The following SPTBN5 variants were observed in gnomAD, a reference collection of about 807,000 sequenced individuals.
SPTBN5 encodes the protein spectrin beta chain, non-erythrocytic 5.
SPTBN5 carries 513 observed loss-of-function variants against 477.6 expected under a neutral mutation model. That is an observed-to-expected ratio of 1.07 (90% CI 1.00 to 1.16). SPTBN5 has a LOEUF of 1.16. SPTBN5 is among the 50% of genes most tolerant of loss of function. The probability of loss-of-function intolerance (pLI) is 0.00; values close to 1 mark genes in which losing one functional copy is unlikely to be tolerated. For missense variants in SPTBN5, 5,062 were observed against 4,731.8 expected (o/e 1.07, Z -2.05); for synonymous variants, 2,169 against 2,011.7 (o/e 1.08, Z -2.09).
chr15:41,853,887 C>CT, intron 57 of SPTBN5, 100 bp from the exon 58 acceptor site: 1 of 1,429,540 alleles, frequency 7.0e-7, no homozygotes, highest in Non-Finnish European at 9.3e-7. Flanking sequence ...CACCTCCACT[C>CT]TGCTGCACAA....
rs562371137 is a variant in SPTBN5, at chr15:41,889,096, C to T, written c.501+993G>A. Among the ~76,000 whole-genome samples, 26 of 152,336 alleles carry T rather than the reference C, an allele frequency of 1.7e-4. No homozygotes were observed. The South Asian group carries it at 5.2e-3, about 30-fold the overall frequency. ...AGGGAGGATGCCCACCTGCTGCTCC[C>T]AAGGGCCTGGGCTGCAGGGGACACC... On this transcript the variant is annotated intron_variant, in intron 4 of 67. Transcript: ENST00000320955.
In SPTBN5 at chr15:41,848,799, G is replaced by A. The variant is rs188873854; in HGVS notation, c.11013-171C>T. On this transcript the variant is annotated intron_variant, in intron 67 of 67. Transcript: ENST00000320955. The stretch of plus-strand genomic sequence containing the variant: ...GCGCTGCAGCAGCGACCACAGTGAC[G>A]CGTGAGTGGGTGGGAGTTGCCTCGA... 7.9e-5 allele frequency among the ~76,000 whole-genome samples: 12 copies of A among 152,310 alleles called. 1 individual carries two copies. Among genetic ancestry groups the A allele is most frequent in the Admixed American group, 2.0e-4 (3 of 15,300 alleles).
intron 21 of SPTBN5, 75 bp from the exon 22 acceptor site, chr15:41,875,697 G>A: frequency 6.9e-7 from 1 of 1,451,854 alleles, no homozygotes. Flanking sequence ...GGCTGGACCT[G>A]GGTGGCAGTG....
chr15:41,878,500 C>A lies in SPTBN5; in HGVS notation c.3312G>T (p.Arg1104=), dbSNP rs1004824268. The stretch of plus-strand genomic sequence containing the variant: ...GCTGGCTCTCTTGCAGGAAGCTCTG[C>A]CGGGCCTGAGTCTCAGCCTGGCGCC... ...RARRQAETQA[R]QSFLQESQQL... Residue 1104 remains arginine (R), a synonymous_variant, in exon 17 of 68, where the codon CGG becomes CGT. Transcript: ENST00000320955. 2 of 1,613,316 alleles carry A rather than the reference C, an allele frequency of 1.2e-6. No homozygotes were observed. Among genetic ancestry groups the A allele is most frequent in the East Asian group, 4.5e-5 (2 of 44,870 alleles).
intron 55 of SPTBN5, 77 bp from the exon 56 acceptor site, chr15:41,855,053 ACT>A (rs2065892635): frequency 3.4e-6 from 5 of 1,468,042 alleles, no homozygotes; most frequent in Admixed American, 2.3e-5. Context: ...AGCTCAGCAG[ACT>A]CTGATGGCTC....
At chr15:41,856,729 A>G in intron 52 of SPTBN5, 124 bp downstream of exon 52, 1 of 1,334,732 alleles carries the variant, frequency 7.5e-7, no homozygotes, top group Non-Finnish European at 1.0e-6. Flanking sequence ...CTCCCAAAGA[A>G]TCCAGGGCAT....
chr15:41,876,667 T>TG lies in SPTBN5; in HGVS notation c.3852-21dup. On this transcript the variant is annotated intron_variant, in intron 19 of 67. Transcript: ENST00000320955. ...CTGACCCTGGAGGGCGGGGGGGGGT[T>TG]GGAGGAGGGCATGGGAGAGGACTCC... is the stretch of plus-strand genomic sequence containing the variant. 7.2e-7 allele frequency: 1 copy of TG among 1,393,260 alleles called. No individual in the cohort carries two copies. The highest frequency in any genetic ancestry group is 1.0e-6 in the Non-Finnish European group (1 of 997,030). 86.3% of individuals were successfully genotyped at this position (1,393,260 alleles called of 1,614,324 possible). A position where few individuals can be genotyped will look rare whatever the true frequency, so the allele number is the denominator to read the frequency against.
At position 41,889,195 on chromosome 15, in the gene SPTBN5, G is replaced by A. The variant is rs79014624; in HGVS notation, c.501+894C>T. ...CTTGAGGTCAGTTAGAAATTCATCC[G>A]TCCCTTCAGCCTTCAAATAGATGCT... On this transcript the variant is annotated intron_variant, in intron 4 of 67. Transcript: ENST00000320955. Among the ~76,000 whole-genome samples the A allele has an allele frequency of 1.1e-3, 163 of 152,256 alleles. 1 individual carries two copies. In the East Asian group the frequency reaches 0.027, roughly 25 times the overall value.
At position 41,850,924 on chromosome 15, in the gene SPTBN5, T is replaced by C; in HGVS notation, c.10851A>G (p.Ala3617=). The part of the protein sequence containing the change: ...HTFSLRLTSG[A]EILFAAPSEE... ...CGGACGGTGCTGCAAACAGGATCTC[T>C]GCCCCACTGGTCAGCCTGGCACCCA... is the stretch of plus-strand genomic sequence containing the variant. The change falls in exon 66 of 68, where the codon GCA becomes GCG. Residue 3617 remains alanine, a synonymous_variant. Coordinates refer to ENST00000320955, the MANE Select transcript of SPTBN5 (RefSeq NM_016642.4). 1.3e-6 allele frequency: 2 copies of C among 1,595,794 alleles called. No homozygotes were observed. The highest frequency in any genetic ancestry group is 1.1e-5 in the South Asian group (1 of 88,620).
chr15:41,872,228 G>A, intron 27 of SPTBN5, 74 bp downstream of exon 27: 1 of 1,525,104 alleles, frequency 6.6e-7, no homozygotes, highest in Non-Finnish European at 8.9e-7. Context: ...TTGACTTTGG[G>A]CCATGGCATG....
intron 9 of SPTBN5, 67 bp from the exon 10 acceptor site, chr15:41,882,805 CG>C: frequency 6.5e-7 from 1 of 1,535,064 alleles, no homozygotes. Flanking sequence ...GGTTCCCCTC[CG>C]GGTTTAGACA....
chr15:41,882,565 C>T lies in SPTBN5; in HGVS notation c.2046+20G>A, dbSNP rs770923113. ...GGGCAAGGCGCTGGCGACCGGCGGGCGCGCTCGGGGAGCTGACACCTTGTG... is the reference window on the plus strand; with the variant it reads ...GGGCAAGGCGCTGGCGACCGGCGGGTGCGCTCGGGGAGCTGACACCTTGTG... On this transcript the variant is annotated intron_variant, in intron 10 of 67. Transcript: ENST00000320955. 1.9e-6 allele frequency: 3 copies of T among 1,585,102 alleles called. No individual in the cohort carries two copies. Among genetic ancestry groups the T allele is most frequent in the African/African-American group, 2.7e-5 (2 of 74,478 alleles).
rs2065946418 is a variant in SPTBN5, at chr15:41,857,049, T to C, written c.8622-10A>G. The C allele has an allele frequency of 6.3e-7, 1 of 1,597,260 alleles. No homozygotes were observed. Among genetic ancestry groups the C allele is most frequent in the Non-Finnish European group, 8.5e-7 (1 of 1,172,648 alleles). ...CCTCAGGCTCTTGAACCTGCAGCGGTGGAGGGTGGGACCAAGGGAGGCAGG... is the reference window on the plus strand; with the variant it reads ...CCTCAGGCTCTTGAACCTGCAGCGGCGGAGGGTGGGACCAAGGGAGGCAGG... On this transcript the variant is annotated splice_polypyrimidine_tract_variant and intron_variant, in intron 51 of 67. Coordinates refer to ENST00000320955, the MANE Select transcript of SPTBN5 (RefSeq NM_016642.4).
chr15:41,857,646 T>A lies in SPTBN5; in HGVS notation c.8291A>T (p.Glu2764Val), dbSNP rs2065966158. Reference protein sequence around the residue: ...ASEAIQERLEELGALWGELQD... With the variant: ...ASEAIQERLEVLGALWGELQD... ...CAGCTCACCCCAGAGTGCTCCCAGC[T>A]CCTCCAGTCGCTCCTGGATGGCCTC... The change falls in exon 50 of 68, where the codon GAG (glutamate) becomes GTG (valine). Residue 2764 changes from glutamate (E) to valine (V), a missense_variant. By Grantham distance (121) the Glu-to-Val change is moderately radical (BLOSUM62 -2). Transcript: ENST00000320955. 1.3e-6 allele frequency: 2 copies of A among 1,596,624 alleles called. No individual in the cohort carries two copies. Among genetic ancestry groups the A allele is most frequent in the African/African-American group, 1.3e-5 (1 of 74,596 alleles).
intron 3 of SPTBN5, among the ~76,000 whole-genome samples, chr15:41,891,659 T>C (rs897765212): frequency 3.3e-5 from 5 of 152,212 alleles, no homozygotes; most frequent in African/African-American, 1.2e-4. Context: ...CTGGGTTCAA[T>C]GAATCTGTCT....
In SPTBN5 at chr15:41,861,793, C is replaced by A. The variant is rs1245050655; in HGVS notation, c.7679G>T (p.Ser2560Ile). Residue 2560 changes from serine (S) to isoleucine (I), a missense_variant, in exon 45 of 68, where the codon AGC becomes ATC. Transcript: ENST00000320955. ...ATGCTCCTGCCAGGCCCCTTCCAGG[C>A]TGCTCAGCTCCTGTTCTAAGCCAGC... ...VLAGLEQELS[S>I]LEGAWQEHQL... is the part of the protein sequence containing the mutation. 5.1e-6 allele frequency: 8 copies of A among 1,565,172 alleles called. No individual in the cohort carries two copies. Among genetic ancestry groups the A allele is most frequent in the Non-Finnish European group, 6.0e-6 (7 of 1,159,112 alleles).
In SPTBN5 at chr15:41,851,169, CA is replaced by C. The variant is rs1254180093; in HGVS notation, c.10744-20del. 5 of 1,609,686 alleles carry C rather than the reference CA, an allele frequency of 3.1e-6. No individual in the cohort carries two copies. In the African/African-American group the frequency reaches 5.3e-5, roughly 17 times the overall value. ...CTACTTTCTGAGGAGAGATGAGAGG[CA>C]GGGGTCACTGCGGCCATCTCAGCTT... On this transcript the variant is annotated intron_variant, in intron 64 of 67. Coordinates refer to ENST00000320955, the MANE Select transcript of SPTBN5 (RefSeq NM_016642.4).
At chr15:41,871,278 G>C (rs564888862) in intron 29 of SPTBN5, 97 bp downstream of exon 29, 14 of 1,291,512 alleles carry the variant, frequency 1.1e-5, no homozygotes, top group Non-Finnish European at 1.4e-5. Flanking sequence ...GGCCAGTGTG[G>C]CCCTCACAGC....
chr15:41,861,417 A>C lies in SPTBN5; in HGVS notation c.7815+2T>G, dbSNP rs1247194544. The C allele has an allele frequency of 1.9e-6, 3 of 1,612,544 alleles. No individual in the cohort carries two copies. Among genetic ancestry groups the C allele is most frequent in the African/African-American group, 1.3e-5 (1 of 75,016 alleles). On this transcript the variant is annotated splice_donor_variant, in intron 46 of 67. Coordinates refer to ENST00000320955, the MANE Select transcript of SPTBN5 (RefSeq NM_016642.4). LOFTEE classifies it high-confidence loss of function. ...TCCTGCCCATTCCTGCTGGGCACCT[A>C]CCCATAGACCCTCACTGGCTAGGGA...
Sources: allele counts gnomAD v4.1 joint callset (sites outside exome capture counted in the v4.1 genomes callset), GRCh38; gene constraint gnomAD v4.1.1; transcripts MANE v1.5; gene names NCBI Gene and HGNC (gene_info 2026-07-23, HGNC 2026-07-21).